The following GRID2 variants were observed in gnomAD, a reference collection of about 807,000 sequenced individuals.
GRID2 encodes glutamate receptor ionotropic, delta-2.
A neutral mutation model predicts 114.8 loss-of-function variants in GRID2; 33 were observed. The ratio of observed to expected loss-of-function variants is 0.29; its 90% CI spans 0.22 to 0.38. The LOEUF (loss-of-function observed/expected upper bound fraction) is 0.38. Ranked by LOEUF, GRID2 falls within the 10% of genes least tolerant of loss-of-function variation. The pLI is 1.00. For synonymous variants in GRID2, 505 were observed against 449.9 expected, an observed-to-expected ratio of 1.12 and a Z score of -1.55; for missense variants, 1,184 against 1,257.7, an observed-to-expected ratio of 0.94 and a Z score of 0.89.
chr4:93,364,605 G>C (rs1329414193), intron 8 of GRID2, among the ~76,000 whole-genome samples: 2 of 151,948 alleles, frequency 1.3e-5, no homozygotes, highest in African/African-American at 4.8e-5. Context: ...TAAAATAACT[G>C]GGACTACCAC....
intron 2 of GRID2, among the ~76,000 whole-genome samples, chr4:92,729,413 C>T (rs1323110565): frequency 2.0e-5 from 3 of 151,852 alleles, no homozygotes; most frequent in Admixed American, 6.6e-5. Context: ...GTATGTTCAC[C>T]ACCCTTACTT....
intron 11 of GRID2, 21 bp from the exon 12 acceptor site, chr4:93,490,618 T>A (rs1385363931): frequency 1.3e-6 from 2 of 1,590,998 alleles, no homozygotes; most frequent in Non-Finnish European, 1.7e-6. Flanking sequence ...GTTCTTTTTA[T>A]CTCTTTGCTT....
rs1748686010 is a variant in GRID2, at chr4:92,915,183, AG to A, written c.245-169807del. On this transcript the variant is annotated intron_variant, in intron 2 of 15. Transcript: ENST00000282020. Reference sequence around the variant, plus strand: ...CTTACTCAGAATAATGAGAACAGCAAGGGGGAAACCGCCCCCATTATTCAGT... The same window carrying A: ...CTTACTCAGAATAATGAGAACAGCAAGGGGAAACCGCCCCCATTATTCAGT... 2.0e-5 allele frequency among the ~76,000 whole-genome samples: 3 copies of A among 152,256 alleles called. No homozygotes were observed. The South Asian group carries it at 6.2e-4, about 32-fold the overall frequency.
At chr4:93,523,336 G>T (rs963784307) in intron 13 of GRID2, among the ~76,000 whole-genome samples, 1 of 152,230 alleles carries the variant, frequency 6.6e-6, no homozygotes, top group East Asian at 1.9e-4. Context: ...TCTCGATTTT[G>T]CCACTTGTCC....
chr4:93,680,368 A>G (rs1012929247), intron 14 of GRID2, among the ~76,000 whole-genome samples: 8 of 151,980 alleles, frequency 5.3e-5, no homozygotes, highest in Middle Eastern at 3.4e-3. Context: ...AACTGGTACC[A>G]TTCCTTCTGA....
intron 14 of GRID2, among the ~76,000 whole-genome samples, chr4:93,688,135 G>T (rs567030758): frequency 6.6e-6 from 1 of 152,010 alleles, no homozygotes; most frequent in East Asian, 1.9e-4. Flanking sequence ...CTGAGAATGA[G>T]GGGATAGAGG....
intron 1 of GRID2, among the ~76,000 whole-genome samples, chr4:92,473,580 T>C (rs1472212313): frequency 6.6e-6 from 1 of 152,080 alleles, no homozygotes; most frequent in Non-Finnish European, 1.5e-5. Context: ...TCAGGTTAAG[T>C]AATTTTTCTT....
chr4:93,081,911 G>A (rs929961462), intron 2 of GRID2, among the ~76,000 whole-genome samples: 3 of 152,126 alleles, frequency 2.0e-5, no homozygotes, highest in African/African-American at 7.2e-5. Flanking sequence ...CTTTGCTTCT[G>A]TTCTTACTGC....
intron 4 of GRID2, among the ~76,000 whole-genome samples, chr4:93,122,136 A>G (rs1733834087): frequency 6.6e-6 from 1 of 152,078 alleles, no homozygotes; most frequent in Non-Finnish European, 1.5e-5. Flanking sequence ...TGTAGTTAGT[A>G]CTTTTTGTCT....
At position 92,934,634 on chromosome 4, in the gene GRID2, ACTATACTACAAGGCTACAGTAAC is replaced by A. The variant is rs1454132298; in HGVS notation, c.245-150359_245-150337del. ...GAGGCATCATGCTACCTGACTTCAAACTATACTACAAGGCTACAGTAACCAAAACAGCATGGTACTGGTACCAA... is the reference window on the plus strand; with the variant it reads ...GAGGCATCATGCTACCTGACTTCAAACAAAACAGCATGGTACTGGTACCAA... On this transcript the variant is annotated intron_variant, in intron 2 of 15. Coordinates refer to ENST00000282020, the MANE Select transcript of GRID2 (RefSeq NM_001510.4). Among the ~76,000 whole-genome samples, 8 of 146,526 alleles carry A rather than the reference ACTATACTACAAGGCTACAGTAAC, an allele frequency of 5.5e-5. 2 individuals are homozygous for A. In the East Asian group the frequency reaches 1.7e-3, roughly 32 times the overall value.
chr4:93,748,333 T>C (rs1732025043), intron 14 of GRID2, among the ~76,000 whole-genome samples: 1 of 152,034 alleles, frequency 6.6e-6, no homozygotes, highest in Admixed American at 6.6e-5. Context: ...TGGCCAACAG[T>C]TAATTTCTTT....
At chr4:93,001,275 T>A (rs1720949635) in intron 2 of GRID2, among the ~76,000 whole-genome samples, 1 of 151,838 alleles carries the variant, frequency 6.6e-6, no homozygotes, top group African/African-American at 2.4e-5. Flanking sequence ...AAGCTGTCTT[T>A]TTTGTTTTAT....
intron 1 of GRID2, among the ~76,000 whole-genome samples, chr4:92,576,075 A>T (rs1355380329): frequency 6.6e-6 from 1 of 152,208 alleles, no homozygotes; most frequent in Non-Finnish European, 1.5e-5. Flanking sequence ...TAAACAACCA[A>T]GGTGGCAATC....
chr4:93,614,045 G>A (rs1389123155), intron 13 of GRID2, among the ~76,000 whole-genome samples: 21 of 152,138 alleles, frequency 1.4e-4, no homozygotes, highest in South Asian at 2.1e-4. Context: ...TCTGAAAAGC[G>A]CAATATTCGG....
intron 2 of GRID2, among the ~76,000 whole-genome samples, chr4:93,009,127 G>T (rs1721857991): frequency 6.6e-6 from 1 of 152,014 alleles, no homozygotes; most frequent in Non-Finnish European, 1.5e-5. Context: ...TACTGCATTG[G>T]CAATATATGA....
rs116034365 is a variant in GRID2, at chr4:93,579,957, G to A, written c.2194-46312G>A. ...ATCTGTCATTCGGATCATCTCCAAT[G>A]CTCTGATCTATGTTCTTTGTTATTA... On this transcript the variant is annotated intron_variant, in intron 13 of 15. Coordinates refer to ENST00000282020, the MANE Select transcript of GRID2 (RefSeq NM_001510.4). Among the ~76,000 whole-genome samples, 1,507 of 152,256 alleles carry A rather than the reference G, an allele frequency of 9.9e-3. 31 individuals are homozygous for A. The highest frequency in any genetic ancestry group is 0.034 in the African/African-American group (1,398 of 41,564).
chr4:92,902,697 C>G (rs1243319445), intron 2 of GRID2, among the ~76,000 whole-genome samples: 2 of 151,982 alleles, frequency 1.3e-5, no homozygotes, highest in East Asian at 3.9e-4. Flanking sequence ...CCAGTTTTAT[C>G]CTTCTAGACA....
intron 8 of GRID2, among the ~76,000 whole-genome samples, chr4:93,352,075 C>T (rs1760857571): frequency 6.6e-6 from 1 of 151,946 alleles, no homozygotes; most frequent in African/African-American, 2.4e-5. Context: ...GAAATCTAAG[C>T]CCATATTGCT....
At chr4:93,165,049 AGAT>A (rs1375971725) in intron 4 of GRID2, among the ~76,000 whole-genome samples, 1 of 152,114 alleles carries the variant, frequency 6.6e-6, no homozygotes, top group East Asian at 1.9e-4. Flanking sequence ...CTCATCTGGA[AGAT>A]GGAGATAATA....
Sources: allele counts gnomAD v4.1 joint callset (sites outside exome capture counted in the v4.1 genomes callset), GRCh38; gene constraint gnomAD v4.1.1; transcripts MANE v1.5; gene names NCBI Gene and HGNC (gene_info 2026-07-23, HGNC 2026-07-21).